AP3S1: variants seen among roughly 807,000 people sequenced by gnomAD.
The protein encoded by AP3S1 is AP-3 complex subunit sigma-1.
A neutral mutation model predicts 21.3 loss-of-function variants in AP3S1; 12 were observed. The observed-to-expected ratio is 0.56, with a 90% CI of 0.36 to 0.91. The LOEUF (loss-of-function observed/expected upper bound fraction) is 0.91, where lower values mean the gene tolerates loss of function less well. Ranked by LOEUF, AP3S1 falls within the 40% of genes least tolerant of loss-of-function variation. The pLI, the probability that AP3S1 is intolerant of heterozygous loss-of-function variation, is 0.01. For synonymous variants in AP3S1, 48 were observed against 78.4 expected, an observed-to-expected ratio of 0.61 and a Z score of 2.05; for missense variants, 116 against 225.0, an observed-to-expected ratio of 0.52 and a Z score of 3.10.
chr5:115,849,320 G>A (rs1315250417), intron 1 of AP3S1, among the ~76,000 whole-genome samples: 3 of 152,138 alleles, frequency 2.0e-5, no homozygotes, highest in African/African-American at 4.8e-5. Context: ...CCTCTTTGAC[G>A]ACCTGACATT....
chr5:115,863,166 G>A (rs1289142870), intron 1 of AP3S1, among the ~76,000 whole-genome samples: 9 of 152,096 alleles, frequency 5.9e-5, no homozygotes, highest in Admixed American at 3.9e-4. Context: ...TTGGGAGACC[G>A]AGGCGGGTGG....
intron 2 of AP3S1, among the ~76,000 whole-genome samples, chr5:115,868,566 T>C (rs1747906266): frequency 6.6e-6 from 1 of 152,220 alleles, no homozygotes; most frequent in South Asian, 2.1e-4. Context: ...CTTATAAGTT[T>C]AGTATTATTT....
chr5:115,908,436 T>C (rs1751835935), intron 5 of AP3S1, among the ~76,000 whole-genome samples: 2 of 152,172 alleles, frequency 1.3e-5, no homozygotes, highest in African/African-American at 4.8e-5. Flanking sequence ...GAAGGTCAGC[T>C]CATGAGCTGG....
intron 5 of AP3S1, 72 bp downstream of exon 5, chr5:115,903,064 C>G (rs1751352889): frequency 1.3e-5 from 15 of 1,147,584 alleles, no homozygotes; most frequent in Non-Finnish European, 1.9e-5. Flanking sequence ...TTGTAGTTTT[C>G]ACTGTTTGTC....
At chr5:115,894,437 C>G (rs1053119436) in intron 3 of AP3S1, among the ~76,000 whole-genome samples, 8 of 152,180 alleles carry the variant, frequency 5.3e-5, no homozygotes, top group African/African-American at 1.9e-4. Context: ...CAAAAACACT[C>G]TAATCAGACA....
chr5:115,848,221 G>A (rs2112772025), intron 1 of AP3S1, among the ~76,000 whole-genome samples: 1 of 150,236 alleles, frequency 6.7e-6, no homozygotes, highest in Non-Finnish European at 1.5e-5. Flanking sequence ...AAATATTAAG[G>A]CCACTAAGGT....
At chr5:115,878,446 A>T (rs183942502) in intron 3 of AP3S1, among the ~76,000 whole-genome samples, 4,840 of 152,230 alleles carry the variant, frequency 0.032, 273 homozygotes, top group African/African-American at 0.11. Flanking sequence ...AACATCTATT[A>T]AACAGGGATC....
chr5:115,868,887 GAA>G (rs1446632957), intron 2 of AP3S1, among the ~76,000 whole-genome samples: 162 of 116,690 alleles, frequency 1.4e-3, no homozygotes, highest in Non-Finnish European at 2.0e-3. Flanking sequence ...GTCTCAAAAA[GAA>G]AGAGAGAGAG....
chr5:115,884,901 C>A (rs1468648650), intron 3 of AP3S1, among the ~76,000 whole-genome samples: 1 of 152,160 alleles, frequency 6.6e-6, no homozygotes, highest in Non-Finnish European at 1.5e-5. Context: ...TTTACTAACA[C>A]ACTGATAGGA....
intron 1 of AP3S1, among the ~76,000 whole-genome samples, chr5:115,847,192 T>C (rs1031413350): frequency 2.0e-5 from 3 of 152,116 alleles, no homozygotes; most frequent in African/African-American, 7.2e-5. Flanking sequence ...CATCCAACTT[T>C]GGATTGGAGC....
chr5:115,893,733 G>A (rs897589603), intron 3 of AP3S1, among the ~76,000 whole-genome samples: 4 of 152,284 alleles, frequency 2.6e-5, no homozygotes, highest in South Asian at 2.1e-4. Flanking sequence ...CCTGTGAATA[G>A]TGGGATGACT....
At chr5:115,848,760 A>G (rs1264448244) in intron 1 of AP3S1, among the ~76,000 whole-genome samples, 3 of 152,204 alleles carry the variant, frequency 2.0e-5, no homozygotes, top group Non-Finnish European at 1.5e-5. Flanking sequence ...TGTTGTATAA[A>G]ACTGTCACAT....
intron 3 of AP3S1, among the ~76,000 whole-genome samples, chr5:115,891,310 C>A (rs1395471926): frequency 6.6e-6 from 1 of 152,098 alleles, no homozygotes; most frequent in Admixed American, 6.6e-5. Flanking sequence ...AGTTTGTCCC[C>A]CACACACCAA....
At chr5:115,891,395 A>G (rs1750287816) in intron 3 of AP3S1, among the ~76,000 whole-genome samples, 1 of 152,084 alleles carries the variant, frequency 6.6e-6, no homozygotes. Context: ...ATCCCATGAC[A>G]CAGTCCCACA....
intron 2 of AP3S1, among the ~76,000 whole-genome samples, chr5:115,868,804 G>A (rs1747930167): frequency 6.6e-6 from 1 of 151,614 alleles, no homozygotes; most frequent in Non-Finnish European, 1.5e-5. Flanking sequence ...ATTGCTTGAA[G>A]CCAGGAGGCA....
At chr5:115,848,255 G>A (rs985272897) in intron 1 of AP3S1, among the ~76,000 whole-genome samples, 3 of 152,150 alleles carry the variant, frequency 2.0e-5, no homozygotes, top group Non-Finnish European at 4.4e-5. Flanking sequence ...ACCACACACA[G>A]ATAATTATTA....
intron 5 of AP3S1, among the ~76,000 whole-genome samples, chr5:115,910,292 T>C (rs998946695): frequency 1.1e-4 from 17 of 150,638 alleles, no homozygotes; most frequent in African/African-American, 3.2e-4. Flanking sequence ...AAAAAAGTTA[T>C]GTGATTGAGG....
chr5:115,896,181 C>T (rs965386652), intron 4 of AP3S1, among the ~76,000 whole-genome samples: 12 of 152,204 alleles, frequency 7.9e-5, no homozygotes, highest in South Asian at 2.1e-4. Flanking sequence ...AACTAAGTTT[C>T]GACTAGTGTG....
At chr5:115,883,422 G>C (rs1009002654) in intron 3 of AP3S1, among the ~76,000 whole-genome samples, 1 of 152,176 alleles carries the variant, frequency 6.6e-6, no homozygotes. Flanking sequence ...ATCCCTCACA[G>C]CACAGTCCCT....
Sources: gnomAD v4.1 joint callset for allele counts (sites outside exome capture counted in the v4.1 genomes callset) on GRCh38, gnomAD v4.1.1 for gene constraint, MANE v1.5 for transcripts, NCBI Gene and HGNC (gene_info 2026-07-23, HGNC 2026-07-21) for gene names.